PRKN: variants seen among roughly 807,000 people sequenced by gnomAD.
PRKN encodes parkin RBR E3 ubiquitin protein ligase.
A neutral mutation model predicts 59.5 loss-of-function variants in PRKN; 56 were observed. That is an observed-to-expected ratio of 0.94 (90% confidence interval 0.76 to 1.18). PRKN has a LOEUF of 1.18. Among genes scored for constraint, PRKN ranks in the 50% most tolerant of loss-of-function variants. PRKN has a pLI of 0.00. For missense variants in PRKN, 657 were observed against 596.4 expected (o/e 1.10, Z -1.06); for synonymous variants, 250 against 222.1 (o/e 1.13, Z -1.12).
chr6:161,740,578 C>T (rs757580046), intron 7 of PRKN, among the ~76,000 whole-genome samples: 3 of 152,162 alleles, frequency 2.0e-5, no homozygotes, highest in Admixed American at 1.3e-4. Context: ...CTGAATGGGC[C>T]GTTTGCAACA....
chr6:161,870,887 G>A (rs533040811), intron 6 of PRKN, among the ~76,000 whole-genome samples: 57 of 152,162 alleles, frequency 3.7e-4, no homozygotes, highest in Non-Finnish European at 6.8e-4. Context: ...GTTAGGCTGG[G>A]AATCATGGAA....
intron 6 of PRKN, among the ~76,000 whole-genome samples, chr6:161,969,750 T>C (rs1780730312): frequency 6.6e-6 from 1 of 152,196 alleles, no homozygotes; most frequent in African/African-American, 2.4e-5. Context: ...ATACTCTGAT[T>C]TTCATCTATT....
At chr6:162,502,348 A>G (rs750162478) in intron 1 of PRKN, among the ~76,000 whole-genome samples, 10 of 152,086 alleles carry the variant, frequency 6.6e-5, no homozygotes, top group Non-Finnish European at 1.0e-4. Context: ...TTTTGTAAAG[A>G]TGAGGTCTCA....
At chr6:161,426,402 T>C (rs903740293) in intron 9 of PRKN, among the ~76,000 whole-genome samples, 26 of 152,040 alleles carry the variant, frequency 1.7e-4, no homozygotes, top group Non-Finnish European at 4.4e-5. Flanking sequence ...GTGGACACCA[T>C]CTAATCAGCT....
intron 1 of PRKN, among the ~76,000 whole-genome samples, chr6:162,543,020 G>C (rs560969835): frequency 3.9e-4 from 60 of 152,278 alleles, no homozygotes; most frequent in African/African-American, 1.4e-3. Context: ...CAAACTGACT[G>C]CTCTTTCCTA....
chr6:162,279,730 T>G (rs1263975741), intron 2 of PRKN, among the ~76,000 whole-genome samples: 2 of 152,180 alleles, frequency 1.3e-5, no homozygotes, highest in East Asian at 1.9e-4. Context: ...ATAACCTTGT[T>G]AATTTTCTGC....
rs1790072674 is a variant in PRKN at position 161,458,535 on chromosome 6, G to A, written c.1084-71658C>T. 6.6e-6 allele frequency among the ~76,000 whole-genome samples: 1 copy of A among 152,186 alleles called. No individual in the cohort carries two copies. Among genetic ancestry groups the A allele is most frequent in the South Asian group, 2.1e-4 (1 of 4,826 alleles). On this transcript the variant is annotated intron_variant, in intron 9 of 11. Transcript: ENST00000366898. This position sits in a 1 kb window ranked among gnomAD's most constrained non-coding sequence, Gnocchi z 6.1. ...GTGTTTGAACCAAATGCTCAGTAATGTGAAAACATCAATTATTTCCTTCCT... is the reference window on the plus strand; with the variant it reads ...GTGTTTGAACCAAATGCTCAGTAATATGAAAACATCAATTATTTCCTTCCT...
At chr6:162,665,579 A>G (rs1779070858) in intron 1 of PRKN, among the ~76,000 whole-genome samples, 1 of 152,206 alleles carries the variant, frequency 6.6e-6, no homozygotes, top group Non-Finnish European at 1.5e-5. Context: ...GGATAGGAAC[A>G]ATCAATATTG....
In PRKN at chr6:161,386,991, T is replaced by G; in HGVS notation, c.1084-114A>C. ...TTCCTCTGGCTTGTGCAACAGTTTC[T>G]GTATAAAAATACTTTTTTTGCAAAG... On this transcript the variant is annotated intron_variant, in intron 9 of 11. Coordinates refer to ENST00000366898, the MANE Select transcript of PRKN (RefSeq NM_004562.3). This position sits in a 1 kb window ranked among gnomAD's most constrained non-coding sequence, Gnocchi z 4.3. 1 of 842,024 alleles carries G rather than the reference T, an allele frequency of 1.2e-6. No individual in the cohort carries two copies. The highest frequency in any genetic ancestry group is 2.0e-6 in the Non-Finnish European group (1 of 490,056). 52.2% of individuals were successfully genotyped at this position (842,024 alleles called of 1,614,324 possible).
At chr6:162,447,273 T>C (rs1170985760) in intron 1 of PRKN, among the ~76,000 whole-genome samples, 1 of 152,058 alleles carries the variant, frequency 6.6e-6, no homozygotes, top group African/African-American at 2.4e-5. Flanking sequence ...AAATACTAAA[T>C]AAAGTAGCCA....
chr6:162,557,879 A>G (rs1779675224), intron 1 of PRKN, among the ~76,000 whole-genome samples: 1 of 152,190 alleles, frequency 6.6e-6, no homozygotes, highest in Non-Finnish European at 1.5e-5. Context: ...CAAAGATGCT[A>G]CTGCATCAGG....
At chr6:162,415,205 T>C (rs575788918) in intron 2 of PRKN, among the ~76,000 whole-genome samples, 1 of 151,678 alleles carries the variant, frequency 6.6e-6, no homozygotes, top group Non-Finnish European at 1.5e-5. Flanking sequence ...TACGCAAAAA[T>C]AGCCAACTGG....
intron 10 of PRKN, among the ~76,000 whole-genome samples, chr6:161,381,923 T>C (rs530107212): frequency 2.3e-4 from 35 of 151,892 alleles, no homozygotes; most frequent in Admixed American, 1.2e-3. Context: ...CCATCCTGGC[T>C]AACACAGTGA....
At chr6:162,674,105 C>A (rs1468094784) in intron 1 of PRKN, among the ~76,000 whole-genome samples, 3 of 152,200 alleles carry the variant, frequency 2.0e-5, no homozygotes. Flanking sequence ...TATGCCAAAT[C>A]TGTTATATTC....
At chr6:162,702,992 T>C (rs1243770437) in intron 1 of PRKN, among the ~76,000 whole-genome samples, 2 of 152,222 alleles carry the variant, frequency 1.3e-5, no homozygotes, top group Non-Finnish European at 2.9e-5. Flanking sequence ...AATCAATTTT[T>C]ACTTAATATT....
At chr6:162,100,234 G>T (rs1281035846) in intron 4 of PRKN, among the ~76,000 whole-genome samples, 1 of 152,118 alleles carries the variant, frequency 6.6e-6, no homozygotes, top group South Asian at 2.1e-4. Flanking sequence ...TGCGGCAAAG[G>T]ACATGGGAGT....
intron 7 of PRKN, among the ~76,000 whole-genome samples, chr6:161,620,154 C>G (rs1782843337): frequency 6.7e-6 from 1 of 149,166 alleles, no homozygotes; most frequent in Middle Eastern, 3.4e-3. Flanking sequence ...CCATGCCCAG[C>G]TAATTTTTTT....
chr6:161,510,329 C>T (rs1778338680), intron 9 of PRKN, among the ~76,000 whole-genome samples: 1 of 150,832 alleles, frequency 6.6e-6, no homozygotes, highest in Admixed American at 6.6e-5. Flanking sequence ...CTGAGATCGC[C>T]AGTGAGGCAT....
intron 6 of PRKN, among the ~76,000 whole-genome samples, chr6:161,805,800 G>A (rs1010025755): frequency 6.6e-5 from 10 of 152,192 alleles, no homozygotes; most frequent in African/African-American, 2.4e-4. Context: ...GGGTGGAGGG[G>A]AGTGGTGATG....
Sources: allele counts gnomAD v4.1 joint callset (sites outside exome capture counted in the v4.1 genomes callset), GRCh38; gene constraint gnomAD v4.1.1; non-coding constraint Gnocchi (gnomAD v3.1); transcripts MANE v1.5; gene names NCBI Gene and HGNC (gene_info 2026-07-23, HGNC 2026-07-21).